SLC44A1: variants seen among roughly 807,000 people sequenced by gnomAD.
SLC44A1 encodes the protein solute carrier family 44 member 1, also known as choline transporter-like protein 1.
SLC44A1 carries 26 observed loss-of-function variants against 79.3 expected under a neutral mutation model. The observed-to-expected ratio is 0.33, with a 90% CI of 0.24 to 0.46. The LOEUF is 0.46. Among genes scored for constraint, SLC44A1 ranks in the 20% least tolerant of loss-of-function variants. The pLI is 1.00. For synonymous variants in SLC44A1, 263 were observed against 286.2 expected (o/e 0.92, Z 0.82); for missense variants, 688 against 798.1 (o/e 0.86, Z 1.66).
intron 1 of SLC44A1, among the ~76,000 whole-genome samples, chr9:105,297,128 C>T (rs1401631092): frequency 6.6e-6 from 1 of 152,028 alleles, no homozygotes; most frequent in Non-Finnish European, 1.5e-5. Flanking sequence ...AACTAGTGCT[C>T]TTTTGTTTTC....
At chr9:105,419,404 C>T (rs569824049) in intron 15 of SLC44A1, among the ~76,000 whole-genome samples, 3 of 152,122 alleles carry the variant, frequency 2.0e-5, no homozygotes, top group Non-Finnish European at 4.4e-5. Context: ...AAGAGAGTAT[C>T]TTTCAAGACA....
intron 1 of SLC44A1, among the ~76,000 whole-genome samples, chr9:105,281,267 GA>G (rs1168780554): frequency 6.6e-6 from 1 of 152,190 alleles, no homozygotes; most frequent in African/African-American, 2.4e-5. Context: ...CTCTGGACCA[GA>G]ACAGAGATGT....
intron 13 of SLC44A1, among the ~76,000 whole-genome samples, chr9:105,376,666 C>G (rs13289885): frequency 0.1 from 15,259 of 151,980 alleles, 1,961 homozygotes; most frequent in African/African-American, 0.3. Context: ...GAGCCACTGC[C>G]CACGGCGTTT....
rs1827887878 is a variant in SLC44A1, at chr9:105,364,682, G to A, written c.1215G>A (p.Met405Ile). ...ISEFILACQQ[M>I]TVAGAVVTYY... ...AATTTATTCTAGCATGTCAGCAGAT[G>A]ACAGTGGCAGGAGCTGTGGTAACAT... The change falls in exon 10 of 16, where the codon ATG (methionine) becomes ATA (isoleucine). Residue 405 changes from methionine to isoleucine, a missense_variant. Met to Ile is a conservative substitution (Grantham distance 10). Transcript: ENST00000374720. 6.2e-7 allele frequency: 1 copy of A among 1,613,964 alleles called. No homozygotes were observed. Among genetic ancestry groups the A allele is most frequent in the African/African-American group, 1.3e-5 (1 of 74,934 alleles).
intron 15 of SLC44A1, among the ~76,000 whole-genome samples, chr9:105,417,693 T>A (rs1286612343): frequency 6.6e-6 from 1 of 152,030 alleles, no homozygotes; most frequent in African/African-American, 2.4e-5. Flanking sequence ...GCCCTTGATA[T>A]CAGTGAGCCA....
chr9:105,398,269 T>A (rs972472026), downstream of SLC44A1, among the ~76,000 whole-genome samples: 1 of 152,218 alleles, frequency 6.6e-6, no homozygotes, highest in Non-Finnish European at 1.5e-5. Flanking sequence ...TTATTTTGGA[T>A]TTTTCTTGAG....
intron 1 of SLC44A1, among the ~76,000 whole-genome samples, chr9:105,268,880 TG>T (rs773918907): frequency 2.2e-4 from 33 of 152,224 alleles, no homozygotes; most frequent in Non-Finnish European, 4.1e-4. Context: ...TTCTTAATGT[TG>T]CCTTATGTTG....
chr9:105,335,730 C>T, intron 4 of SLC44A1, 31 bp downstream of exon 4: 2 of 1,595,364 alleles, frequency 1.3e-6, no homozygotes, highest in Non-Finnish European at 1.7e-6. Context: ...AATCTATGTC[C>T]TGTCACCTTG....
At chr9:105,364,531 T>C in intron 9 of SLC44A1, 24 bp from the exon 10 acceptor site, 1 of 1,590,392 alleles carries the variant, frequency 6.3e-7, no homozygotes, top group South Asian at 1.2e-5. Flanking sequence ...GTGCTTCTTC[T>C]TTCCTTCCTT....
chr9:105,351,935 A>C (rs1006576343), intron 5 of SLC44A1, among the ~76,000 whole-genome samples: 9 of 152,190 alleles, frequency 5.9e-5, no homozygotes, highest in African/African-American at 2.2e-4. Context: ...AGTCTATACC[A>C]CAGTGAGTGT....
chr9:105,406,396 A>G (rs370954086), intron 15 of SLC44A1, among the ~76,000 whole-genome samples: 3 of 152,290 alleles, frequency 2.0e-5, no homozygotes, highest in African/African-American at 7.2e-5. Flanking sequence ...ACAACAAGAA[A>G]TTACAAGGTA....
At chr9:105,374,878 C>G in intron 13 of SLC44A1, 143 bp downstream of exon 13, 1 of 627,394 alleles carries the variant, frequency 1.6e-6, no homozygotes, top group Non-Finnish European at 2.8e-6. Context: ...GTGTGTCCAG[C>G]ATTGTGATAA....
At chr9:105,312,665 T>C (rs576038212) in intron 3 of SLC44A1, among the ~76,000 whole-genome samples, 11 of 152,362 alleles carry the variant, frequency 7.2e-5, no homozygotes, top group African/African-American at 2.6e-4. Flanking sequence ...TTGAGATTGC[T>C]TTATCTTTGC....
rs1234695852 is a variant in SLC44A1 at position 105,374,669 on chromosome 9, G to A, written c.1566G>A (p.Leu522=). The A allele has an allele frequency of 8.1e-6, 13 of 1,612,962 alleles. No individual in the cohort carries two copies. The South Asian group carries it at 8.8e-5, about 11-fold the overall frequency. The change falls in exon 13 of 16, where the codon CTG becomes CTA. Residue 522 remains leucine (L), a synonymous_variant. Transcript: ENST00000374720. ...CAGCAAAGGATGCCTTTGTCATTCT[G>A]GTGGAGAATGCTTTGCGAGTGGCTA... The part of the protein sequence containing the change: ...CTSAKDAFVI[L]VENALRVATI...
intron 2 of SLC44A1, among the ~76,000 whole-genome samples, chr9:105,304,953 T>TGTTTTTTTTTG (rs777167652): frequency 1.4e-5 from 1 of 73,136 alleles, no homozygotes; most frequent in African/African-American, 8.5e-5. Context: ...CGTTTTTTTT[T>TGTTTTTTTTTG]TTTTTTTTTT....
intron 1 of SLC44A1, among the ~76,000 whole-genome samples, chr9:105,273,380 G>T (rs1320717054): frequency 6.6e-6 from 1 of 152,162 alleles, no homozygotes; most frequent in Non-Finnish European, 1.5e-5. Flanking sequence ...ATTAGAAGGG[G>T]GTGGATGTTA....
In SLC44A1 at chr9:105,391,991, T is replaced by C; in HGVS notation, c.*2935T>C. ...AGGCTCTGGTGCATAATTTAGACTTTCTAAGCTCCTGCCTGAAGAATAAGG... is the reference window on the plus strand; with the variant it reads ...AGGCTCTGGTGCATAATTTAGACTTCCTAAGCTCCTGCCTGAAGAATAAGG... On this transcript the variant is annotated 3_prime_UTR_variant, in exon 16 of 16. Coordinates refer to ENST00000374720, the MANE Select transcript of SLC44A1 (RefSeq NM_080546.5). 1 of 985,398 alleles carries C rather than the reference T, an allele frequency of 1.0e-6. No homozygotes were observed. The highest frequency in any genetic ancestry group is 1.2e-6 in the Non-Finnish European group (1 of 829,918). The allele number at this position is 985,398 out of a possible 1,614,324, so 61.0% of individuals were successfully genotyped here.
chr9:105,430,686 G>T (rs535585503), intron 15 of SLC44A1, among the ~76,000 whole-genome samples: 2 of 152,258 alleles, frequency 1.3e-5, no homozygotes, highest in African/African-American at 2.4e-5. Flanking sequence ...GGATACTTAG[G>T]TTGGATTTGC....
At chr9:105,268,778 G>A (rs533526967) in intron 1 of SLC44A1, among the ~76,000 whole-genome samples, 28 of 152,196 alleles carry the variant, frequency 1.8e-4, no homozygotes, top group Admixed American at 6.5e-4. Flanking sequence ...GATTACAGGC[G>A]GGTGCCACCG....
Sources: allele counts gnomAD v4.1 joint callset (sites outside exome capture counted in the v4.1 genomes callset), GRCh38; gene constraint gnomAD v4.1.1; transcripts MANE v1.5; gene names NCBI Gene and HGNC (gene_info 2026-07-23, HGNC 2026-07-21).